Variants in ADCY2 observed in about 807,000 individuals in gnomAD.
ADCY2 encodes adenylate cyclase type 2.
Under a neutral mutation model 125.2 loss-of-function variants are expected in ADCY2, and 31 were observed. The ratio of observed to expected loss-of-function variants is 0.25; its 90% CI spans 0.19 to 0.33. ADCY2 has a LOEUF of 0.33. Among genes scored for constraint, ADCY2 ranks in the 10% least tolerant of loss-of-function variants. The pLI is 1.00. For synonymous variants in ADCY2, 512 were observed against 548.4 expected (o/e 0.93, Z 0.93); for missense variants, 904 against 1,418.2 (o/e 0.64, Z 5.82).
chr5:7,666,057 C>G lies in ADCY2; in HGVS notation c.721-24634C>G, dbSNP rs574429659. Reference sequence around the variant, plus strand: ...GTTTCACCATGTTAGCCAGGATGGTCTCGATCTCCTGACCTCGTGATCCGC... The same window carrying G: ...GTTTCACCATGTTAGCCAGGATGGTGTCGATCTCCTGACCTCGTGATCCGC... On this transcript the variant is annotated intron_variant, in intron 4 of 24. Transcript: ENST00000338316. Among the ~76,000 whole-genome samples the G allele has an allele frequency of 3.3e-5, 5 of 151,332 alleles. No homozygotes were observed. In the South Asian group the frequency reaches 8.4e-4, roughly 25 times the overall value.
At chr5:7,635,787 G>A (rs1738479674) in intron 4 of ADCY2, among the ~76,000 whole-genome samples, 1 of 152,078 alleles carries the variant, frequency 6.6e-6, no homozygotes, top group South Asian at 2.1e-4. Flanking sequence ...AGATGAAGAA[G>A]CCCAAGTCAC....
At chr5:7,753,250 C>A (rs919216345) in intron 15 of ADCY2, among the ~76,000 whole-genome samples, 2 of 152,126 alleles carry the variant, frequency 1.3e-5, no homozygotes, top group African/African-American at 4.8e-5. Context: ...CATTTAGTAT[C>A]AATCCCTTGT....
chr5:7,721,339 C>T (rs1741750448), intron 12 of ADCY2, among the ~76,000 whole-genome samples: 2 of 152,186 alleles, frequency 1.3e-5, no homozygotes, highest in African/African-American at 4.8e-5. Flanking sequence ...TTCTCCCATT[C>T]TGTAGGTTGC....
At chr5:7,634,024 G>T (rs1738409034) in intron 4 of ADCY2, among the ~76,000 whole-genome samples, 1 of 152,116 alleles carries the variant, frequency 6.6e-6, no homozygotes, top group South Asian at 2.1e-4. Context: ...TGTGATATTT[G>T]TCACATATAG....
intron 2 of ADCY2, among the ~76,000 whole-genome samples, chr5:7,434,812 G>A (rs1205284864): frequency 6.6e-6 from 1 of 152,194 alleles, no homozygotes; most frequent in African/African-American, 2.4e-5. Context: ...TGGTTATAAA[G>A]AGCCAATGGT....
At chr5:7,676,595 T>C (rs1310131052) in intron 4 of ADCY2, among the ~76,000 whole-genome samples, 3 of 152,246 alleles carry the variant, frequency 2.0e-5, no homozygotes, top group Non-Finnish European at 4.4e-5. Context: ...AGTGAGTCAC[T>C]GCATTTGTAG....
chr5:7,773,487 A>C (rs1743621601), intron 18 of ADCY2, among the ~76,000 whole-genome samples: 1 of 152,168 alleles, frequency 6.6e-6, no homozygotes, highest in Non-Finnish European at 1.5e-5. Flanking sequence ...TTACCCACTG[A>C]ATGCCAGTCA....
chr5:7,742,669 G>C (rs1201203426), intron 14 of ADCY2, among the ~76,000 whole-genome samples: 1 of 152,200 alleles, frequency 6.6e-6, no homozygotes, highest in Non-Finnish European at 1.5e-5. Flanking sequence ...GGCACTAACT[G>C]CTCAATTTGT....
At chr5:7,661,501 G>A (rs753772775) in intron 4 of ADCY2, among the ~76,000 whole-genome samples, 1 of 152,094 alleles carries the variant, frequency 6.6e-6, no homozygotes, top group Non-Finnish European at 1.5e-5. Context: ...CAATCAAAAG[G>A]TATGTTTAGG....
At chr5:7,549,686 C>T (rs1218221870) in intron 3 of ADCY2, among the ~76,000 whole-genome samples, 2 of 152,170 alleles carry the variant, frequency 1.3e-5, no homozygotes, top group Admixed American at 6.5e-5. Context: ...TGCCAACATT[C>T]GTTTCTCATT....
intron 4 of ADCY2, among the ~76,000 whole-genome samples, chr5:7,640,667 A>ATT (rs546500262): frequency 1.3e-5 from 2 of 150,058 alleles, no homozygotes; most frequent in African/African-American, 4.9e-5. Context: ...TGGTAACATT[A>ATT]TTTTTTTTTT....
intron 3 of ADCY2, among the ~76,000 whole-genome samples, chr5:7,536,237 T>A (rs10057805): frequency 6.6e-5 from 10 of 152,234 alleles, no homozygotes; most frequent in Non-Finnish European, 1.0e-4. Flanking sequence ...CAGACCTTTA[T>A]GGGGTGGAAG....
chr5:7,414,878 G>T, intron 2 of ADCY2, 108 bp downstream of exon 2: 1 of 879,440 alleles, frequency 1.1e-6, no homozygotes, highest in East Asian at 2.9e-5. Context: ...CTATAACTGA[G>T]AGCAGAGTCT....
intron 20 of ADCY2, among the ~76,000 whole-genome samples, chr5:7,791,741 G>A (rs557402179): frequency 6.6e-6 from 1 of 152,128 alleles, no homozygotes; most frequent in Non-Finnish European, 1.5e-5. Flanking sequence ...CCCCTGCCCT[G>A]TAGCCAGGCT....
intron 2 of ADCY2, among the ~76,000 whole-genome samples, chr5:7,433,904 C>CT (rs1740700847): frequency 6.6e-6 from 1 of 152,134 alleles, no homozygotes; most frequent in South Asian, 2.1e-4. Context: ...ATTCCTACTT[C>CT]TGTCATGTCA....
In ADCY2 at chr5:7,793,335, C is replaced by G. The variant is rs78178551; in HGVS notation, c.2628+3535C>G. On this transcript the variant is annotated intron_variant, in intron 20 of 24. Coordinates refer to ENST00000338316, the MANE Select transcript of ADCY2 (RefSeq NM_020546.3). ...GCATGGTGGTATGTGCCTGTAATCC[C>G]AGCTAGTAAGGAGACTGAGGCAGGA... Among the ~76,000 whole-genome samples the G allele has an allele frequency of 9.2e-3, 1,405 of 152,272 alleles. 19 individuals carry two copies. Among genetic ancestry groups the G allele is most frequent in the African/African-American group, 0.033 (1,351 of 41,562 alleles).
intron 6 of ADCY2, 27 bp downstream of exon 6, chr5:7,695,890 C>A: frequency 6.7e-7 from 1 of 1,497,610 alleles, no homozygotes; most frequent in South Asian, 1.2e-5. Flanking sequence ...CTTTTCTTCT[C>A]TGAAGATTTC....
At chr5:7,675,030 C>T (rs1740073784) in intron 4 of ADCY2, among the ~76,000 whole-genome samples, 1 of 151,862 alleles carries the variant, frequency 6.6e-6, no homozygotes, top group African/African-American at 2.4e-5. Flanking sequence ...TGGCGGGCAC[C>T]TGTAGTCTCA....
intron 15 of ADCY2, among the ~76,000 whole-genome samples, chr5:7,747,222 G>A (rs953778362): frequency 3.3e-5 from 5 of 152,120 alleles, no homozygotes; most frequent in East Asian, 3.9e-4. Context: ...CCCAGCCACC[G>A]GGCACCTTCC....
Sources: allele counts gnomAD v4.1 joint callset (sites outside exome capture counted in the v4.1 genomes callset), GRCh38; gene constraint gnomAD v4.1.1; transcripts MANE v1.5; gene names NCBI Gene and HGNC (gene_info 2026-07-23, HGNC 2026-07-21).